ROS1: variants seen among roughly 807,000 people sequenced by gnomAD.
ROS1 encodes the protein ROS proto-oncogene 1, receptor tyrosine kinase, also known as proto-oncogene tyrosine-protein kinase ROS.
Under a neutral mutation model 273.5 loss-of-function variants are expected in ROS1, and 263 were observed. The observed-to-expected ratio is 0.96, with a 90% CI of 0.87 to 1.06. The LOEUF (loss-of-function observed/expected upper bound fraction) is 1.06, where lower values mean the gene tolerates loss of function less well. Among genes scored for constraint, ROS1 ranks in the 50% least tolerant of loss-of-function variants. The pLI, the probability that ROS1 is intolerant of heterozygous loss-of-function variation, is 0.00. For missense variants in ROS1, 2,833 were observed against 2,751.1 expected (o/e 1.03, Z -0.67); for synonymous variants, 1,008 against 954.1 (o/e 1.06, Z -1.04).
At position 117,310,243 on chromosome 6, in the gene ROS1, T is replaced by C. The variant is rs778877637; in HGVS notation, c.6254A>G (p.Asp2085Gly). Reference sequence around the variant, plus strand: ...CTTCACTATCCGTGGACTGGTATAGTCTTTCACGGAAACAAGGCAATTTCT... The same window carrying C: ...CTTCACTATCCGTGGACTGGTATAGCCTTTCACGGAAACAAGGCAATTTCT... Reference protein sequence around the residue: ...AARNCLVSVKDYTSPRIVKIG... With the variant: ...AARNCLVSVKGYTSPRIVKIG... The change falls in exon 41 of 44, where the codon GAC becomes GGC. Residue 2085 changes from aspartate to glycine, a missense_variant. By Grantham distance (94) the Asp-to-Gly change is moderately conservative (BLOSUM62 -1). Transcript: ENST00000368507. 21 of 1,611,338 alleles carry C rather than the reference T, an allele frequency of 1.3e-5. No homozygotes were observed. Among genetic ancestry groups the C allele is most frequent in the Non-Finnish European group, 1.7e-5 (20 of 1,178,586 alleles).
At position 117,416,321 on chromosome 6, in the gene ROS1, C is replaced by T; in HGVS notation, c.169-4G>A. The T allele has an allele frequency of 1.3e-6, 2 of 1,593,228 alleles. No homozygotes were observed. The highest frequency in any genetic ancestry group is 1.7e-4 in the Middle Eastern group (1 of 6,018). On this transcript the variant is annotated splice_region_variant and splice_polypyrimidine_tract_variant and intron_variant, in intron 2 of 43. Transcript: ENST00000368507. ...AAAAGTGACATCCTTGGATACACTG[C>T]AAGAGACAATAACAGACAATGGTGA...
chr6:117,397,285 C>T (rs770805111), intron 7 of ROS1, among the ~76,000 whole-genome samples, 169 bp from the exon 8 acceptor site: 1 of 151,916 alleles, frequency 6.6e-6, no homozygotes, highest in African/African-American at 2.4e-5. Flanking sequence ...ATGTCTAAAC[C>T]AGTTCGCTCC....
At chr6:117,338,472 T>G (rs571219950) in intron 31 of ROS1, among the ~76,000 whole-genome samples, 1 of 150,886 alleles carries the variant, frequency 6.6e-6, no homozygotes, top group Non-Finnish European at 1.5e-5. Flanking sequence ...AATAGCTTAA[T>G]GAAACGGGTG....
Position 117,357,930 on chromosome 6 carries a change from T to C in ROS1, c.3713A>G (p.Lys1238Arg), listed in dbSNP as rs767342486. The change falls in exon 25 of 44, where the codon AAA (lysine) becomes AGA (arginine). Residue 1238 changes from lysine to arginine, a missense_variant. By Grantham distance (26) the Lys-to-Arg change is conservative. Coordinates refer to ENST00000368507, the MANE Select transcript of ROS1 (RefSeq NM_001378902.1). ...WISRHLYFAL[K>R]ESQNGMQVFD... ...TACTTGCATTCCATTTTGTGATTCT[T>C]TCAGTGCAAAGTAGAGGTGCCTTGA... 6.2e-7 allele frequency: 1 copy of C among 1,613,722 alleles called. No homozygotes were observed. The highest frequency in any genetic ancestry group is 8.5e-7 in the Non-Finnish European group (1 of 1,179,724).
chr6:117,346,345 C>A (rs1350609246), intron 27 of ROS1, among the ~76,000 whole-genome samples: 1 of 151,480 alleles, frequency 6.6e-6, no homozygotes, highest in African/African-American at 2.4e-5. Context: ...AAATTTCCAG[C>A]AGATGGAGGT....
At chr6:117,306,662 G>A (rs1205451605) in intron 42 of ROS1, among the ~76,000 whole-genome samples, 1 of 152,172 alleles carries the variant, frequency 6.6e-6, no homozygotes, top group Non-Finnish European at 1.5e-5. Flanking sequence ...AATGGAAGGT[G>A]TAGCAGGGCT....
Position 117,353,950 on chromosome 6 carries a change from G to A in ROS1, c.4127-784C>T, listed in dbSNP as rs73768043. Among the ~76,000 whole-genome samples the A allele has an allele frequency of 5.9e-3, 902 of 152,262 alleles. 11 individuals are homozygous for A. The highest frequency in any genetic ancestry group is 0.02 in the African/African-American group (833 of 41,552). On this transcript the variant is annotated intron_variant, in intron 26 of 43. Coordinates refer to ENST00000368507, the MANE Select transcript of ROS1 (RefSeq NM_001378902.1). ...GTGTCTTTATGGGGGCAATATTTAA[G>A]AGAATATTAACTAGCTGGAATGAAA...
chr6:117,370,895 C>G (rs1358748865), intron 18 of ROS1, among the ~76,000 whole-genome samples: 1 of 152,048 alleles, frequency 6.6e-6, no homozygotes, highest in East Asian at 1.9e-4. Flanking sequence ...AGTCACATGT[C>G]AAGACAGTAG....
chr6:117,394,334 T>A lies in ROS1; in HGVS notation c.1019A>T (p.Asp340Val), dbSNP rs772455106. 8.1e-6 allele frequency: 13 copies of A among 1,600,730 alleles called. No individual in the cohort carries two copies. The highest frequency in any genetic ancestry group is 1.0e-5 in the Non-Finnish European group (12 of 1,177,264). Reference sequence around the variant, plus strand: ...GAAATAAACAATTTGCTGGTGGACATCAACAGATATTCCTAGAAGAGCCAT... The same window carrying A: ...GAAATAAACAATTTGCTGGTGGACAACAACAGATATTCCTAGAAGAGCCAT... ...IYHNITGISV[D>V]VHQQIVYFSE... The change falls in exon 11 of 44, where the codon GAT becomes GTT. Residue 340 changes from aspartate (D) to valine (V), a missense_variant. Transcript: ENST00000368507.
rs564639985 is a variant in ROS1 at position 117,357,687 on chromosome 6, G to A, written c.3839+117C>T. ...TACTTACTATAATATAGTGGGCCAAGAGCCCTAAGCATCTTATTTTTCCAT... is the reference window on the plus strand; with the variant it reads ...TACTTACTATAATATAGTGGGCCAAAAGCCCTAAGCATCTTATTTTTCCAT... On this transcript the variant is annotated intron_variant, in intron 25 of 43. Coordinates refer to ENST00000368507, the MANE Select transcript of ROS1 (RefSeq NM_001378902.1). 2.4e-4 allele frequency: 164 copies of A among 670,318 alleles called. No individual in the cohort carries two copies. In the African/African-American group the frequency reaches 2.6e-3, roughly 11 times the overall value. 41.5% of individuals were successfully genotyped at this position (670,318 alleles called of 1,614,324 possible). A position where few individuals can be genotyped will look rare whatever the true frequency, so the allele number is the denominator to read the frequency against.
At chr6:117,381,664 G>A (rs533148813) in intron 17 of ROS1, among the ~76,000 whole-genome samples, 1 of 152,114 alleles carries the variant, frequency 6.6e-6, no homozygotes, top group South Asian at 2.1e-4. Flanking sequence ...CACTTAGGTT[G>A]GTTCCCTATC....
intron 37 of ROS1, among the ~76,000 whole-genome samples, chr6:117,319,411 A>G (rs1776130725): frequency 6.6e-6 from 1 of 152,156 alleles, no homozygotes; most frequent in African/African-American, 2.4e-5. Context: ...TTCAGTGTTC[A>G]TAAGTAAAGT....
chr6:117,329,957 G>C (rs1309327234), intron 32 of ROS1, among the ~76,000 whole-genome samples: 1 of 152,148 alleles, frequency 6.6e-6, no homozygotes, highest in Non-Finnish European at 1.5e-5. Flanking sequence ...GAACTCCCTG[G>C]GGGAGGGGTG....
At chr6:117,369,496 C>T (rs1780564115) in intron 18 of ROS1, among the ~76,000 whole-genome samples, 1 of 152,002 alleles carries the variant, frequency 6.6e-6, no homozygotes, top group East Asian at 1.9e-4. Context: ...ATGGCATGAA[C>T]CCGGGAGGCG....
chr6:117,374,564 A>G (rs1781159718), intron 18 of ROS1, among the ~76,000 whole-genome samples: 1 of 152,236 alleles, frequency 6.6e-6, no homozygotes, highest in South Asian at 2.1e-4. Context: ...ACATTGGCTT[A>G]GGCAAAGACT....
chr6:117,363,681 T>C (rs1005723421), intron 21 of ROS1, among the ~76,000 whole-genome samples: 2 of 152,184 alleles, frequency 1.3e-5, no homozygotes, highest in African/African-American at 4.8e-5. Flanking sequence ...CACTAAAGTT[T>C]CCATTTCCCA....
At chr6:117,396,865 T>C (rs1381306331) in intron 8 of ROS1, 50 bp downstream of exon 8, 2 of 1,280,212 alleles carry the variant, frequency 1.6e-6, no homozygotes, top group Admixed American at 1.8e-5. Flanking sequence ...ATAATTATCA[T>C]GCCTGCAGCC....
At chr6:117,423,387 G>C (rs1378818343) in intron 1 of ROS1, among the ~76,000 whole-genome samples, 1 of 152,134 alleles carries the variant, frequency 6.6e-6, no homozygotes, top group African/African-American at 2.4e-5. Flanking sequence ...TGTGCCCTGT[G>C]AATCTACAAA....
At position 117,409,639 on chromosome 6, in the gene ROS1, C is replaced by T; in HGVS notation, c.259G>A (p.Glu87Lys). ...NDTYATVCER[E>K]SCEVGCSSAE... The stretch of plus-strand genomic sequence containing the variant: ...CTGCTACAGCCAACCTCACACGACT[C>T]CCGCTGTGGAAGACAGGGAGCATGA... The change falls in exon 5 of 44, where the codon GAG becomes AAG. Residue 87 changes from glutamate to lysine, a missense_variant. Coordinates refer to ENST00000368507, the MANE Select transcript of ROS1 (RefSeq NM_001378902.1). The T allele has an allele frequency of 6.2e-7, 1 of 1,613,746 alleles. No individual in the cohort carries two copies. The highest frequency in any genetic ancestry group is 1.7e-5 in the Admixed American group (1 of 59,956).
Sources: allele counts gnomAD v4.1 joint callset (sites outside exome capture counted in the v4.1 genomes callset), GRCh38; gene constraint gnomAD v4.1.1; transcripts MANE v1.5; gene names NCBI Gene and HGNC (gene_info 2026-07-23, HGNC 2026-07-21).